The following MLLT10 variants were observed in gnomAD, a reference collection of about 807,000 sequenced individuals.
MLLT10 encodes protein AF-10.
In MLLT10, 30 loss-of-function variants were observed where a neutral mutation model predicts 129.1. The ratio of observed to expected loss-of-function variants is 0.23; its 90% CI spans 0.17 to 0.32. MLLT10 has a LOEUF of 0.32. Among genes scored for constraint, MLLT10 ranks in the 10% least tolerant of loss-of-function variants. The pLI is 1.00. For missense variants in MLLT10, 1,119 were observed against 1,268.3 expected, an observed-to-expected ratio of 0.88 and a Z score of 1.79; for synonymous variants, 490 against 446.4, an observed-to-expected ratio of 1.10 and a Z score of -1.23.
chr10:21,729,389 C>T (rs1297232860), intron 16 of MLLT10, among the ~76,000 whole-genome samples: 3 of 151,988 alleles, frequency 2.0e-5, no homozygotes, highest in African/African-American at 7.3e-5. Context: ...TTATTTTTAG[C>T]ATATTATTTC....
chr10:21,556,343 A>G (rs2037959963), intron 3 of MLLT10, among the ~76,000 whole-genome samples: 1 of 152,204 alleles, frequency 6.6e-6, no homozygotes, highest in Admixed American at 6.5e-5. Flanking sequence ...CTTCATCATA[A>G]GTGATCTAGC....
intron 22 of MLLT10, 45 bp from the exon 23 acceptor site, chr10:21,741,894 A>G: frequency 1.0e-5 from 16 of 1,586,780 alleles, no homozygotes; most frequent in Non-Finnish European, 1.4e-5. Context: ...GAATATTATC[A>G]AAAGTTGATT....
intron 13 of MLLT10, among the ~76,000 whole-genome samples, chr10:21,697,385 G>A (rs1239015767): frequency 6.6e-6 from 1 of 152,192 alleles, no homozygotes; most frequent in Non-Finnish European, 1.5e-5. Flanking sequence ...AGAATCGCTT[G>A]AACCTGGGAG....
chr10:21,606,087 A>C (rs2044033485), intron 5 of MLLT10, among the ~76,000 whole-genome samples: 1 of 152,106 alleles, frequency 6.6e-6, no homozygotes, highest in Non-Finnish European at 1.5e-5. Context: ...TGTTATGGTT[A>C]TGTATGATCC....
chr10:21,705,092 G>A (rs2131487761), intron 13 of MLLT10, among the ~76,000 whole-genome samples: 1 of 152,258 alleles, frequency 6.6e-6, no homozygotes, highest in Admixed American at 6.5e-5. Flanking sequence ...TCTGTAGGTT[G>A]GACGGTTCTC....
At chr10:21,712,563 CTGT>C (rs1432126527) in intron 13 of MLLT10, among the ~76,000 whole-genome samples, 1 of 152,056 alleles carries the variant, frequency 6.6e-6, no homozygotes, top group Non-Finnish European at 1.5e-5. Flanking sequence ...TTCTTTCCTC[CTGT>C]TTCTGTACCT....
At chr10:21,563,658 GA>G (rs1391929544) in intron 3 of MLLT10, among the ~76,000 whole-genome samples, 1 of 151,994 alleles carries the variant, frequency 6.6e-6, no homozygotes, top group Non-Finnish European at 1.5e-5. Context: ...CTTATTTGCT[GA>G]AAGATAATCT....
At chr10:21,700,536 C>A (rs777066397) in intron 13 of MLLT10, among the ~76,000 whole-genome samples, 29 of 151,956 alleles carry the variant, frequency 1.9e-4, no homozygotes, top group Non-Finnish European at 3.5e-4. Flanking sequence ...GCAGAATGGT[C>A]CTTCTGTGCT....
intron 13 of MLLT10, among the ~76,000 whole-genome samples, chr10:21,712,786 A>T (rs1236271830): frequency 6.6e-6 from 1 of 152,248 alleles, no homozygotes; most frequent in African/African-American, 2.4e-5. Context: ...GTCTCCAGGT[A>T]TTGTGAAATG....
At position 21,682,205 on chromosome 10, in the gene MLLT10, C is replaced by CT; in HGVS notation, c.1667-14dup. Reference sequence around the variant, plus strand: ...TTGAGAATGATCTTAACCTGAAGTCCTTTTTTCCTTACTTAAAAGCGTTCT... The same window carrying CT: ...TTGAGAATGATCTTAACCTGAAGTCCTTTTTTTCCTTACTTAAAAGCGTTCT... On this transcript the variant is annotated intron_variant, in intron 12 of 22. Transcript: ENST00000307729. 1 of 1,604,488 alleles carries CT rather than the reference C, an allele frequency of 6.2e-7. No individual in the cohort carries two copies. The highest frequency in any genetic ancestry group is 8.5e-7 in the Non-Finnish European group (1 of 1,175,790).
Position 21,567,565 on chromosome 10 carries a change from A to G in MLLT10, c.241-18729A>G, listed in dbSNP as rs1194290620. ...GGAGTGGATGCTCATTAACTAGCCA[A>G]TTGGAATGAAGGTTCCAATCCCCTG... On this transcript the variant is annotated intron_variant, in intron 3 of 22. Transcript: ENST00000307729. Among the ~76,000 whole-genome samples, 4 of 152,250 alleles carry G rather than the reference A, an allele frequency of 2.6e-5. No homozygotes were observed. The South Asian group carries it at 6.2e-4, about 24-fold the overall frequency.
rs1289596787 is a variant in MLLT10 at position 21,625,385 on chromosome 10, A to G, written c.699+8178A>G. ...TCTTTGGAGTTCTCCAAATTCAGAA[A>G]ATGACTTTTCCAATATTTCGTCTGT... On this transcript the variant is annotated intron_variant, in intron 8 of 22. Transcript: ENST00000307729. 6 of 796,686 alleles carry G rather than the reference A, an allele frequency of 7.5e-6. No homozygotes were observed. The Admixed American group carries it at 1.2e-4, about 15-fold the overall frequency. 49.4% of individuals were successfully genotyped at this position (796,686 alleles called of 1,614,324 possible).
chr10:21,545,193 A>C (rs2035879618), intron 3 of MLLT10, among the ~76,000 whole-genome samples: 1 of 151,992 alleles, frequency 6.6e-6, no homozygotes, highest in East Asian at 1.9e-4. Flanking sequence ...ACAGTTACAG[A>C]GTGAAGTCAG....
intron 5 of MLLT10, among the ~76,000 whole-genome samples, chr10:21,602,056 C>G (rs1236286423): frequency 1.6e-4 from 25 of 152,194 alleles, no homozygotes; most frequent in Admixed American, 1.6e-3. Flanking sequence ...CTACAGGTAA[C>G]TGACTCAATG....
intron 10 of MLLT10, among the ~76,000 whole-genome samples, chr10:21,672,667 C>A (rs1226803693): frequency 6.6e-6 from 1 of 152,094 alleles, no homozygotes; most frequent in Non-Finnish European, 1.5e-5. Flanking sequence ...AAAGAATAAG[C>A]AGTGATGGCT....
At chr10:21,626,503 A>T (rs182600483) in intron 8 of MLLT10, among the ~76,000 whole-genome samples, 20 of 152,210 alleles carry the variant, frequency 1.3e-4, no homozygotes, top group Non-Finnish European at 2.4e-4. Flanking sequence ...ACCCAGCCTC[A>T]TGAAAGCTGC....
At chr10:21,682,895 A>T (rs928855738) in intron 13 of MLLT10, among the ~76,000 whole-genome samples, 1 of 152,134 alleles carries the variant, frequency 6.6e-6, no homozygotes, top group African/African-American at 2.4e-5. Flanking sequence ...TAATCCTTTG[A>T]TGTTCAAAAA....
chr10:21,633,078 A>G (rs1470909374), intron 8 of MLLT10, among the ~76,000 whole-genome samples: 1 of 152,232 alleles, frequency 6.6e-6, no homozygotes, highest in Non-Finnish European at 1.5e-5. Flanking sequence ...TTTAGAAACC[A>G]TGTAAATTGC....
chr10:21,598,757 G>A (rs2043240649), intron 5 of MLLT10, among the ~76,000 whole-genome samples: 2 of 152,050 alleles, frequency 1.3e-5, no homozygotes, highest in African/African-American at 4.8e-5. Flanking sequence ...GTGCACGCCT[G>A]TAATCCCAGC....
Sources: gnomAD v4.1 joint callset for allele counts (sites outside exome capture counted in the v4.1 genomes callset) on GRCh38, gnomAD v4.1.1 for gene constraint, MANE v1.5 for transcripts, NCBI Gene and HGNC (gene_info 2026-07-23, HGNC 2026-07-21) for gene names.